The following ST6GALNAC1 variants were observed in gnomAD, a reference collection of about 807,000 sequenced individuals.
The protein encoded by ST6GALNAC1 is ST6 N-acetylgalactosaminide alpha-2,6-sialyltransferase 1.
ST6GALNAC1 carries 45 observed loss-of-function variants against 56.8 expected under a neutral mutation model. That is an observed-to-expected ratio of 0.79 (90% confidence interval 0.62 to 1.02). ST6GALNAC1 has a LOEUF of 1.02. ST6GALNAC1 is among the 50% of genes least tolerant of loss of function. The pLI, the probability that ST6GALNAC1 is intolerant of heterozygous loss-of-function variation, is 0.00. For missense variants in ST6GALNAC1, 743 were observed against 754.8 expected, an observed-to-expected ratio of 0.98 and a Z score of 0.18; for synonymous variants, 295 against 297.8, an observed-to-expected ratio of 0.99 and a Z score of 0.10.
In ST6GALNAC1 at chr17:76,629,552, G is replaced by C. The variant is rs551411748; in HGVS notation, c.291C>G (p.Thr97=). 6.2e-7 allele frequency: 1 copy of C among 1,614,020 alleles called. No homozygotes were observed. Among genetic ancestry groups the C allele is most frequent in the African/African-American group, 1.3e-5 (1 of 74,970 alleles). The change falls in exon 2 of 9, where the codon ACC becomes ACG. Residue 97 remains threonine (T), a synonymous_variant. Coordinates refer to ENST00000156626, the MANE Select transcript of ST6GALNAC1 (RefSeq NM_018414.5). ...GGTTGGCCTCCTTTCCTCTGTCTCC[G>C]GTGGTGTGGGCCTTGGGCTGGGTTT... ...NTQTQPKAHT[T]GDRGKEANQA...
chr17:76,621,943 CTT>C (rs71158041), downstream of ST6GALNAC1, among the ~76,000 whole-genome samples: 49 of 138,018 alleles, frequency 3.6e-4, no homozygotes, highest in South Asian at 5.5e-3. Flanking sequence ...TCTTTCTTTT[CTT>C]TTTTTTTTTT....
chr17:76,640,934 A>C (rs989185648), intron 1 of ST6GALNAC1, among the ~76,000 whole-genome samples: 3 of 152,196 alleles, frequency 2.0e-5, no homozygotes, highest in African/African-American at 7.2e-5. Context: ...AAAAAACCCA[A>C]TTCCCTCTAA....
chr17:76,635,498 G>A (rs59708447), intron 1 of ST6GALNAC1, among the ~76,000 whole-genome samples: 4,404 of 152,230 alleles, frequency 0.029, 97 homozygotes, highest in South Asian at 0.059. Context: ...ACGGCTGGGT[G>A]TGGTGGTGCA....
chr17:76,624,296 G>A (rs1029959671), downstream of ST6GALNAC1, among the ~76,000 whole-genome samples: 3 of 151,926 alleles, frequency 2.0e-5, no homozygotes, highest in African/African-American at 7.3e-5. Flanking sequence ...TGTCGCCCAG[G>A]CTGGAGTGCA....
the ST6GALNAC1 span, among the ~76,000 whole-genome samples, chr17:76,618,975 GTGTA>G: frequency 6.6e-6 from 1 of 152,064 alleles, no homozygotes; most frequent in Non-Finnish European, 1.5e-5. Context: ...TTATGTATGT[GTGTA>G]TGTATTTATT....
the ST6GALNAC1 span, among the ~76,000 whole-genome samples, chr17:76,618,642 G>C: frequency 1.4e-4 from 22 of 152,172 alleles, no homozygotes; most frequent in African/African-American, 4.3e-4. Flanking sequence ...TTAGCCGGGC[G>C]TGGTGGCAGG....
rs548273650 is a variant in ST6GALNAC1 at position 76,627,218 on chromosome 17, G to A, written c.1021C>T (p.Arg341Cys). The change falls in exon 4 of 9, where the codon CGC becomes TGC. Residue 341 changes from arginine (R) to cysteine (C), a missense_variant. Coordinates refer to ENST00000156626, the MANE Select transcript of ST6GALNAC1 (RefSeq NM_018414.5). This position sits in a 1 kb window ranked among gnomAD's most constrained non-coding sequence, Gnocchi z 4.4. ...TGCTGCTGGGGCACTGGAGGGAAGC[G>A]TGTCACGACCTTCTGCACCACTGGA... ...NYSLVQKVVTRFPPVPQQQLL... is the reference protein window; with the variant it reads ...NYSLVQKVVTCFPPVPQQQLL... 3.6e-4 allele frequency: 561 copies of A among 1,575,772 alleles called. 9 individuals are homozygous for A. In the South Asian group the frequency reaches 5.8e-3, roughly 16 times the overall value.
intron 1 of ST6GALNAC1, among the ~76,000 whole-genome samples, chr17:76,638,842 A>G (rs547415072): frequency 2.6e-5 from 4 of 152,084 alleles, no homozygotes; most frequent in East Asian, 1.9e-4. Context: ...CGGTCTCCCA[A>G]AGTGCTGGGA....
chr17:76,629,123 G>A lies in ST6GALNAC1; in HGVS notation c.720C>T (p.Phe240=), dbSNP rs2075854011. ...GGTTTCTCTGCGTCGTGGGGCTCTG[G>A]AAAGGGGCAGGGGGTGGGGTGGCCT... ...KPQATPPPAP[F]QSPTTQRNQR... is the part of the protein sequence containing the mutation. The change falls in exon 2 of 9, where the codon TTC becomes TTT. Residue 240 remains phenylalanine, a synonymous_variant. Transcript: ENST00000156626. 7 of 1,612,224 alleles carry A rather than the reference G, an allele frequency of 4.3e-6. No homozygotes were observed. Among genetic ancestry groups the A allele is most frequent in the Non-Finnish European group, 5.9e-6 (7 of 1,178,616 alleles).
At chr17:76,636,763 G>A (rs1342651927) in intron 1 of ST6GALNAC1, among the ~76,000 whole-genome samples, 2 of 152,156 alleles carry the variant, frequency 1.3e-5, no homozygotes. Context: ...ACCCCATCTG[G>A]GAGGTGTACC....
intron 1 of ST6GALNAC1, among the ~76,000 whole-genome samples, chr17:76,637,084 A>G (rs1391619227): frequency 6.6e-6 from 1 of 151,946 alleles, no homozygotes; most frequent in Non-Finnish European, 1.5e-5. Context: ...GCTCGTTAAG[A>G]GTCATCACCA....
intron 1 of ST6GALNAC1, chr17:76,642,048 C>T (rs1451259731): frequency 6.7e-6 from 1 of 150,258 alleles, no homozygotes; most frequent in East Asian, 1.9e-4. Flanking sequence ...TACAATATAT[C>T]TATATATACA....
Position 76,627,595 on chromosome 17 carries a change from A to T in ST6GALNAC1, c.832-12T>A. ...GAGTCAGGGCAAGTCTATATACAGG[A>T]GGACGAAGTCAGGAAGGGAGAGACC... On this transcript the variant is annotated splice_polypyrimidine_tract_variant and intron_variant, in intron 2 of 8. Transcript: ENST00000156626. The surrounding 1 kb of genome is among the most constrained non-coding windows in gnomAD (Gnocchi z 4.4). 6.2e-7 allele frequency: 1 copy of T among 1,612,942 alleles called. No homozygotes were observed. Among genetic ancestry groups the T allele is most frequent in the Non-Finnish European group, 8.5e-7 (1 of 1,179,460 alleles).
At chr17:76,632,612 C>T (rs1008316927) in intron 1 of ST6GALNAC1, among the ~76,000 whole-genome samples, 1 of 152,192 alleles carries the variant, frequency 6.6e-6, no homozygotes, top group Non-Finnish European at 1.5e-5. Context: ...TAATTAAATA[C>T]ACCTGTGATT....
At chr17:76,620,349 G>A (rs1198735777), downstream of ST6GALNAC1, among the ~76,000 whole-genome samples, 1 of 151,858 alleles carries the variant, frequency 6.6e-6, no homozygotes, top group Non-Finnish European at 1.5e-5. Context: ...CTTATTGTTA[G>A]GTTTATTTGT....
chr17:76,627,705 C>T lies in ST6GALNAC1; in HGVS notation c.832-122G>A. Reference sequence around the variant, plus strand: ...GAAGGCGCGGCCTCTGCTACCTCTTCCATTCTGTTCTCAGGGTCTGCTTAC... The same window carrying T: ...GAAGGCGCGGCCTCTGCTACCTCTTTCATTCTGTTCTCAGGGTCTGCTTAC... On this transcript the variant is annotated intron_variant, in intron 2 of 8. Coordinates refer to ENST00000156626, the MANE Select transcript of ST6GALNAC1 (RefSeq NM_018414.5). This position sits in a 1 kb window ranked among gnomAD's most constrained non-coding sequence, Gnocchi z 4.4. 2 of 839,386 alleles carry T rather than the reference C, an allele frequency of 2.4e-6. No homozygotes were observed. The highest frequency in any genetic ancestry group is 1.7e-5 in the South Asian group (1 of 59,626). The allele number at this position is 839,386 out of a possible 1,614,324, so 52.0% of individuals were successfully genotyped here.
downstream of ST6GALNAC1, among the ~76,000 whole-genome samples, chr17:76,620,780 C>T (rs754149522): frequency 3.0e-4 from 45 of 151,892 alleles, no homozygotes; most frequent in Middle Eastern, 3.4e-3. Flanking sequence ...TGTAGAGATC[C>T]TCATCTTCTT....
At chr17:76,625,552 A>G (rs569310023) in intron 8 of ST6GALNAC1, 25 bp from the exon 9 acceptor site, 1 of 1,611,486 alleles carries the variant, frequency 6.2e-7, no homozygotes, top group Non-Finnish European at 8.5e-7. Context: ...GAGGAGAAAC[A>G]CGGCCTGTAG....
At position 76,629,794 on chromosome 17, in the gene ST6GALNAC1, T is replaced by G. The variant is rs909914113; in HGVS notation, c.132-83A>C. Reference sequence around the variant, plus strand: ...ATAAGTAGTTTTTTGTTTTTTTTTTTTTTTTTGAGACACAGTCTTGCTCTG... The same window carrying G: ...ATAAGTAGTTTTTTGTTTTTTTTTTGTTTTTTGAGACACAGTCTTGCTCTG... On this transcript the variant is annotated intron_variant, in intron 1 of 8. Transcript: ENST00000156626. The G allele has an allele frequency of 4.0e-4, 463 of 1,150,064 alleles. 1 individual carries two copies. The highest frequency in any genetic ancestry group is 4.7e-4 in the Non-Finnish European group (384 of 813,818). 71.2% of individuals were successfully genotyped at this position (1,150,064 alleles called of 1,614,324 possible).
Sources: gnomAD v4.1 joint callset for allele counts (sites outside exome capture counted in the v4.1 genomes callset) on GRCh38, gnomAD v4.1.1 for gene constraint, Gnocchi (gnomAD v3.1) non-coding constraint, MANE v1.5 for transcripts, NCBI Gene and HGNC (gene_info 2026-07-23, HGNC 2026-07-21) for gene names.